ANKRD36C: variants seen among roughly 807,000 people sequenced by gnomAD.
The protein encoded by ANKRD36C is ankyrin repeat domain 36C, also known as ankyrin repeat domain-containing protein 36C.
ANKRD36C carries 61 observed loss-of-function variants against 276.4 expected under a neutral mutation model. The observed-to-expected ratio is 0.22, with a 90% CI of 0.18 to 0.27. The LOEUF (loss-of-function observed/expected upper bound fraction) is 0.27. Ranked by LOEUF, ANKRD36C falls within the 10% of genes least tolerant of loss-of-function variation. ANKRD36C has a pLI of 1.00. For missense variants in ANKRD36C, 1,447 were observed against 2,032.3 expected (o/e 0.71, Z 5.54); for synonymous variants, 483 against 680.1 (o/e 0.71, Z 4.51).
chr2:95,891,604 G>C (rs1173463386), intron 46 of ANKRD36C, 61 bp downstream of exon 66: 231 of 1,515,170 alleles, frequency 1.5e-4, no homozygotes, highest in South Asian at 2.3e-4. Context: ...GATTTATTCA[G>C]GGAAGAGAAT....
intron 36 of ANKRD36C, among the ~76,000 whole-genome samples, chr2:95,916,442 G>A (rs913498792): frequency 9.2e-5 from 14 of 151,556 alleles, no homozygotes; most frequent in African/African-American, 3.4e-4. Context: ...TATCAAGGTG[G>A]GTATGCTGAG....
chr2:95,946,352 A>C (rs1392402692), intron 17 of ANKRD36C, among the ~76,000 whole-genome samples: 2 of 148,406 alleles, frequency 1.3e-5, no homozygotes, highest in Non-Finnish European at 1.5e-5. Context: ...TCAAAACCAC[A>C]ATGAGATACC....
intron 48 of ANKRD36C, 84 bp from the exon 69 acceptor site, chr2:95,888,204 T>C (rs1676248906): frequency 1.3e-6 from 2 of 1,588,012 alleles, no homozygotes; most frequent in African/African-American, 1.3e-5. Flanking sequence ...GGCATCAAGA[T>C]GTATCTTCCT....
chr2:95,911,978 T>C (rs1676940999), intron 42 of ANKRD36C, among the ~76,000 whole-genome samples: 1 of 151,482 alleles, frequency 6.6e-6, no homozygotes, highest in African/African-American at 2.4e-5. Flanking sequence ...AGCAAAACTA[T>C]GCTGTACCCC....
Position 95,956,445 on chromosome 2 carries a change from G to A in ANKRD36C, c.1136+341C>T, listed in dbSNP as rs1678328783. 1.2e-4 allele frequency among the ~76,000 whole-genome samples: 18 copies of A among 152,308 alleles called. 2 individuals carry two copies. The South Asian group carries it at 3.7e-3, about 32-fold the overall frequency. On this transcript the variant is annotated intron_variant, in intron 13 of 66. Transcript: ENST00000456556. ...AATTGATCTGAGTTACACCAGTACC[G>A]TGATCGCATTGCTGCATAGGTCTGT... is the stretch of plus-strand genomic sequence containing the variant.
intron 1 of ANKRD36C, among the ~76,000 whole-genome samples, chr2:95,989,328 G>A (rs1038008731): frequency 2.0e-5 from 3 of 151,948 alleles, no homozygotes; most frequent in South Asian, 2.1e-4. Flanking sequence ...TATACATCAC[G>A]GATAAGAAAA....
intron 33 of ANKRD36C, 27 bp downstream of exon 33, chr2:95,921,755 T>C: frequency 3.1e-6 from 5 of 1,597,458 alleles, no homozygotes; most frequent in Non-Finnish European, 4.3e-6. Flanking sequence ...ATTCACTAGT[T>C]CACAATATAA....
exon 64 of ANKRD36C, chr2:95,853,750 T>A: frequency 6.3e-7 from 1 of 1,597,424 alleles, no homozygotes; most frequent in Non-Finnish European, 8.5e-7. Context: ...GAATCCTGCA[T>A]CCCATTTTCT....
At chr2:95,869,375 T>G (rs1297018730) in intron 59 of ANKRD36C, among the ~76,000 whole-genome samples, 1 of 152,244 alleles carries the variant, frequency 6.6e-6, no homozygotes, top group Non-Finnish European at 1.5e-5. Flanking sequence ...TGTGGTACTA[T>G]AAAGGCAGTC....
At chr2:95,935,936 T>C (rs1677703245) in intron 22 of ANKRD36C, among the ~76,000 whole-genome samples, 1 of 152,312 alleles carries the variant, frequency 6.6e-6, no homozygotes, top group Non-Finnish European at 1.5e-5. Flanking sequence ...CATTTTGTCC[T>C]CTAACTTAAA....
intron 9 of ANKRD36C, 38 bp from the exon 10 acceptor site, chr2:95,960,583 G>A: frequency 1.5e-6 from 2 of 1,329,248 alleles, no homozygotes; most frequent in Middle Eastern, 2.5e-4. Context: ...AATACCTAAA[G>A]TATATTTCAT....
At chr2:95,946,369 C>A (rs1573792513) in intron 17 of ANKRD36C, among the ~76,000 whole-genome samples, 3 of 146,712 alleles carry the variant, frequency 2.0e-5, no homozygotes, top group East Asian at 2.0e-4. Flanking sequence ...TACCATCTCA[C>A]ACCAGTTAGA....
At chr2:95,863,031 A>T (rs1478210220) in intron 60 of ANKRD36C, among the ~76,000 whole-genome samples, 1 of 151,970 alleles carries the variant, frequency 6.6e-6, no homozygotes, top group Non-Finnish European at 1.5e-5. Context: ...TCCAGAAGAA[A>T]CAATAGAAAA....
intron 44 of ANKRD36C, among the ~76,000 whole-genome samples, chr2:95,893,280 C>T (rs1676430137): frequency 6.6e-6 from 1 of 151,096 alleles, no homozygotes; most frequent in Non-Finnish European, 1.5e-5. Flanking sequence ...TCCCCAGAGC[C>T]CCTTATGTCT....
chr2:95,943,311 G>A (rs985638355), intron 19 of ANKRD36C, among the ~76,000 whole-genome samples: 40 of 152,138 alleles, frequency 2.6e-4, no homozygotes, highest in African/African-American at 9.4e-4. Context: ...GTGAAACCCC[G>A]TCTCTACTAA....
chr2:95,861,440 T>A (rs1024853828), intron 60 of ANKRD36C, among the ~76,000 whole-genome samples: 32 of 148,756 alleles, frequency 2.2e-4, no homozygotes, highest in Admixed American at 8.9e-4. Flanking sequence ...CAAACCATAA[T>A]CCCACAGATT....
intron 60 of ANKRD36C, among the ~76,000 whole-genome samples, chr2:95,861,643 A>T (rs2104272381): frequency 6.6e-6 from 1 of 152,056 alleles, no homozygotes; most frequent in East Asian, 1.9e-4. Context: ...GAATCATAAA[A>T]AACAGTTGAC....
intron 38 of ANKRD36C, 27 bp from the exon 41 acceptor site, chr2:95,914,330 A>G (rs771038074): frequency 5.8e-6 from 9 of 1,546,006 alleles, no homozygotes; most frequent in Non-Finnish European, 7.9e-6. Flanking sequence ...ATTCATAATC[A>G]CTCATATGTA....
intron 52 of ANKRD36C, among the ~76,000 whole-genome samples, chr2:95,885,453 G>C (rs982249180): frequency 6.6e-6 from 1 of 151,296 alleles, no homozygotes; most frequent in Non-Finnish European, 1.5e-5. Context: ...GTAGTTCTTG[G>C]AGAAGCCAAA....
Sources: allele counts gnomAD v4.1 joint callset (sites outside exome capture counted in the v4.1 genomes callset), GRCh38; gene constraint gnomAD v4.1.1; transcripts MANE v1.5; gene names NCBI Gene and HGNC (gene_info 2026-07-23, HGNC 2026-07-21).